The following MYT1 variants were observed in gnomAD, a reference collection of about 807,000 sequenced individuals.
MYT1 encodes the protein myelin transcription factor I.
In MYT1, 23 loss-of-function variants were observed where a neutral mutation model predicts 123.0. The ratio of observed to expected loss-of-function variants is 0.19; its 90% CI spans 0.13 to 0.26. MYT1 has a LOEUF of 0.26. Among genes scored for constraint, MYT1 ranks in the 10% least tolerant of loss-of-function variants. The pLI, the probability that MYT1 is intolerant of heterozygous loss-of-function variation, is 1.00. For missense variants in MYT1, 1,125 were observed against 1,472.5 expected, an observed-to-expected ratio of 0.76 and a Z score of 3.86; for synonymous variants, 518 against 575.3, an observed-to-expected ratio of 0.90 and a Z score of 1.43.
chr20:64,219,959 C>T lies in MYT1; in HGVS notation c.2218C>T (p.Leu740=). 6.6e-7 allele frequency: 1 copy of T among 1,516,324 alleles called. No individual in the cohort carries two copies. The allele number at this position is 1,516,324 out of a possible 1,614,324, so 93.9% of individuals were successfully genotyped here. Residue 740 remains leucine (L), a synonymous_variant, in exon 13 of 23, where the codon CTG becomes TTG. Transcript: ENST00000328439. ...CCTGGACTACACCAAGCCTAGCCGC[C>T]TGAGAGAGGAGGAACCTGAGGAGGT... ...RPLDYTKPSR[L]REEEPEESEP...
chr20:64,234,530 G>A (rs1280578375), intron 19 of MYT1, among the ~76,000 whole-genome samples: 2 of 152,204 alleles, frequency 1.3e-5, no homozygotes, highest in African/African-American at 4.8e-5. Flanking sequence ...CCATAGGGAG[G>A]CCCTCCAGGT....
chr20:64,201,163 T>C (rs2145710924), intron 4 of MYT1, among the ~76,000 whole-genome samples: 1 of 151,938 alleles, frequency 6.6e-6, no homozygotes, highest in South Asian at 2.1e-4. Context: ...ACAGATGGAG[T>C]GTGGAGGAAG....
At chr20:64,230,977 C>T (rs1984302001) in intron 18 of MYT1, among the ~76,000 whole-genome samples, 1 of 152,164 alleles carries the variant, frequency 6.6e-6, no homozygotes, top group Admixed American at 6.5e-5. Flanking sequence ...GCCTTGTTGA[C>T]CTTCCACTGG....
rs1982147083 is a variant in MYT1, at chr20:64,168,414, T to A, written c.-99+3675T>A. Among the ~76,000 whole-genome samples, 1 of 152,266 alleles carries A rather than the reference T, an allele frequency of 6.6e-6. No individual in the cohort carries two copies. The highest frequency in any genetic ancestry group is 1.5e-5 in the Non-Finnish European group (1 of 68,042). On this transcript the variant is annotated intron_variant, in intron 1 of 22. Transcript: ENST00000328439. The surrounding 1 kb of genome is among the most constrained non-coding windows in gnomAD (Gnocchi z 6.1). ...TCACCCATCACTTCATCCTTTTTTTTATTTTACAATTTGCACTTAAAAATG... is the reference window on the plus strand; with the variant it reads ...TCACCCATCACTTCATCCTTTTTTTAATTTTACAATTTGCACTTAAAAATG...
intron 7 of MYT1, among the ~76,000 whole-genome samples, chr20:64,209,829 G>T (rs1029231334): frequency 2.6e-5 from 4 of 152,226 alleles, no homozygotes; most frequent in Non-Finnish European, 5.9e-5. Flanking sequence ...AGGGGACACA[G>T]GTGGGGACAT....
At chr20:64,236,428 A>C (rs1442874970) in intron 19 of MYT1, 127 bp from the exon 20 acceptor site, 204 of 585,752 alleles carry the variant, frequency 3.5e-4, no homozygotes, top group African/African-American at 5.5e-4. Context: ...TGACCCTGGG[A>C]TGGTCGTGGT....
intron 2 of MYT1, among the ~76,000 whole-genome samples, chr20:64,195,226 T>C (rs1983075649): frequency 1.3e-5 from 2 of 152,080 alleles, no homozygotes; most frequent in Non-Finnish European, 2.9e-5. Context: ...TCAAGATTGC[T>C]TACTGCATTG....
intron 2 of MYT1, among the ~76,000 whole-genome samples, chr20:64,195,782 A>G (rs188333147): frequency 2.0e-5 from 3 of 152,162 alleles, no homozygotes; most frequent in Non-Finnish European, 4.4e-5. Flanking sequence ...GCAAAAACAC[A>G]CTTTTGAGGA....
intron 19 of MYT1, among the ~76,000 whole-genome samples, chr20:64,233,994 C>G (rs754976502): frequency 9.2e-5 from 14 of 152,214 alleles, no homozygotes; most frequent in Admixed American, 4.6e-4. Context: ...AGAGGAGAGA[C>G]TAGATCTGGC....
intron 2 of MYT1, among the ~76,000 whole-genome samples, chr20:64,195,043 C>T (rs1266749769): frequency 6.6e-6 from 1 of 151,218 alleles, no homozygotes; most frequent in Non-Finnish European, 1.5e-5. Flanking sequence ...CTACAGGCGG[C>T]CGCCACCACA....
chr20:64,221,666 G>A (rs1283526603), intron 13 of MYT1, among the ~76,000 whole-genome samples: 1 of 152,184 alleles, frequency 6.6e-6, no homozygotes, highest in East Asian at 1.9e-4. Flanking sequence ...CTAGGGCAAC[G>A]CAGGACCTCT....
At chr20:64,176,273 G>A (rs1175994252) in intron 1 of MYT1, among the ~76,000 whole-genome samples, 19 of 98,078 alleles carry the variant, frequency 1.9e-4, no homozygotes, top group African/African-American at 8.2e-4. Flanking sequence ...TCCCCTCCCT[G>A]GCTTCTCCTC....
chr20:64,238,683 G>A (rs1293581417), intron 21 of MYT1, among the ~76,000 whole-genome samples: 6 of 136,662 alleles, frequency 4.4e-5, no homozygotes, highest in Admixed American at 1.4e-4. Flanking sequence ...GCACTGTTGT[G>A]TGGGTGTCCA....
At position 64,222,859 on chromosome 20, in the gene MYT1, TG is replaced by T. The variant is rs573623857; in HGVS notation, c.2397-251del. 1.7e-3 allele frequency among the ~76,000 whole-genome samples: 253 copies of T among 152,368 alleles called. 1 individual carries two copies. Among genetic ancestry groups the T allele is most frequent in the African/African-American group, 5.8e-3 (242 of 41,596 alleles). ...CACATACACGTGCACACACAGCACA[TG>T]TGCGTCAGAGGCATCCTAACTTTAA... On this transcript the variant is annotated intron_variant, in intron 14 of 22. Coordinates refer to ENST00000328439, the MANE Select transcript of MYT1 (RefSeq NM_004535.3).
In MYT1 at chr20:64,212,229, G is replaced by C; in HGVS notation, c.1517+91G>C. 4.0e-6 allele frequency: 1 copy of C among 249,046 alleles called. No individual in the cohort carries two copies. The highest frequency in any genetic ancestry group is 7.4e-6 in the Non-Finnish European group (1 of 134,660). 15.4% of individuals were successfully genotyped at this position (249,046 alleles called of 1,614,324 possible). A position where few individuals can be genotyped will look rare whatever the true frequency, so the allele number is the denominator to read the frequency against. ...GGCCGTGGTGGGGGCCAGGGTGGGG[G>C]CCGTGGTGGGGGCCAGGGTGGGGGC... On this transcript the variant is annotated intron_variant, in intron 9 of 22. Transcript: ENST00000328439. The surrounding 1 kb of genome is among the most constrained non-coding windows in gnomAD (Gnocchi z 6.8).
At chr20:64,205,393 T>A (rs6010735) in intron 5 of MYT1, among the ~76,000 whole-genome samples, 160 bp from the exon 6 acceptor site, 3 of 152,020 alleles carry the variant, frequency 2.0e-5, no homozygotes, top group Non-Finnish European at 4.4e-5. Context: ...TCTGACCCCC[T>A]AGTGCTGCAC....
chr20:64,209,759 C>T (rs1350686010), intron 7 of MYT1, among the ~76,000 whole-genome samples: 1 of 152,106 alleles, frequency 6.6e-6, no homozygotes, highest in African/African-American at 2.4e-5. Context: ...AGTGGAGACA[C>T]GAGGGACATG....
intron 1 of MYT1, among the ~76,000 whole-genome samples, chr20:64,178,806 G>A (rs1260182261): frequency 1.5e-5 from 2 of 134,326 alleles, no homozygotes; most frequent in African/African-American, 5.9e-5. Flanking sequence ...GCACTGAGCC[G>A]TTATTTGGTG....
In MYT1 at chr20:64,232,391, T is replaced by C; in HGVS notation, c.2897+6T>C. 1 of 1,612,746 alleles carries C rather than the reference T, an allele frequency of 6.2e-7. No homozygotes were observed. The highest frequency in any genetic ancestry group is 8.5e-7 in the Non-Finnish European group (1 of 1,179,788). On this transcript the variant is annotated splice_donor_region_variant and intron_variant, in intron 19 of 22. Coordinates refer to ENST00000328439, the MANE Select transcript of MYT1 (RefSeq NM_004535.3). This position sits in a 1 kb window ranked among gnomAD's most constrained non-coding sequence, Gnocchi z 6.9. ...AGTTTCCTCACCCACCGGAGGTAACTGTGCCTGCAGGTCCTGCCCCTCTGT... is the reference window on the plus strand; with the variant it reads ...AGTTTCCTCACCCACCGGAGGTAACCGTGCCTGCAGGTCCTGCCCCTCTGT...
Sources: allele counts gnomAD v4.1 joint callset (sites outside exome capture counted in the v4.1 genomes callset), GRCh38; gene constraint gnomAD v4.1.1; non-coding constraint Gnocchi (gnomAD v3.1); transcripts MANE v1.5; gene names NCBI Gene and HGNC (gene_info 2026-07-23, HGNC 2026-07-21).